The following ALAS1 variants were observed in gnomAD, a reference collection of about 807,000 sequenced individuals.
ALAS1 encodes the protein 5-aminolevulinate synthase, non-specific, mitochondrial.
ALAS1 carries 29 observed loss-of-function variants against 59.6 expected under a neutral mutation model. The ratio of observed to expected loss-of-function variants is 0.49; its 90% confidence interval spans 0.36 to 0.66. The LOEUF (loss-of-function observed/expected upper bound fraction) is 0.66. ALAS1 is among the 30% of genes least tolerant of loss of function. ALAS1 has a pLI of 0.00. For synonymous variants in ALAS1, 299 were observed against 296.6 expected, an observed-to-expected ratio of 1.01 and a Z score of -0.08; for missense variants, 690 against 807.5, an observed-to-expected ratio of 0.85 and a Z score of 1.76.
intron 9 of ALAS1, 80 bp from the exon 10 acceptor site, chr3:52,211,203 G>T (rs1477618961): frequency 6.6e-7 from 1 of 1,514,386 alleles, no homozygotes; most frequent in Non-Finnish European, 9.0e-7. Flanking sequence ...TCAGTGCTTT[G>T]AGGCTCCACA....
chr3:52,199,182 A>C (rs1345474816), intron 2 of ALAS1, 28 bp from the exon 3 acceptor site: 1 of 1,607,336 alleles, frequency 6.2e-7, no homozygotes, highest in East Asian at 2.2e-5. Flanking sequence ...CCTGATTATT[A>C]ACAACTGTTG....
intron 3 of ALAS1, 63 bp downstream of exon 3, chr3:52,199,503 C>A: frequency 6.8e-7 from 1 of 1,478,978 alleles, no homozygotes; most frequent in Admixed American, 1.8e-5. Flanking sequence ...AGACTAGAAG[C>A]AGTCCCCACA....
intron 11 of ALAS1, 147 bp from the exon 12 acceptor site, chr3:52,213,873 A>G (rs960720233): frequency 7.2e-6 from 5 of 690,684 alleles, no homozygotes; most frequent in Admixed American, 2.9e-5. Flanking sequence ...TTATCCGTCT[A>G]TTGGTGGACA....
rs1699243729 is a variant in ALAS1 at position 52,203,999 on chromosome 3, T to C, written c.564T>C (p.Asp188=). 3.1e-6 allele frequency: 5 copies of C among 1,605,122 alleles called. No individual in the cohort carries two copies. The South Asian group carries it at 5.6e-5, about 18-fold the overall frequency. ...AAAGAGTGTCTCATCTTCTTCAAGA[T>C]AACTTGCCAAAATGTAAGTCTCATT... ...RPERVSHLLQ[D]NLPKSVSTFQ... Residue 188 remains aspartate (D), a synonymous_variant, in exon 5 of 12, where the codon GAT becomes GAC. Transcript: ENST00000484952.
rs750118705 is a variant in ALAS1, at chr3:52,204,031, T to C, written c.577+19T>C. 3.0e-5 allele frequency: 47 copies of C among 1,588,006 alleles called. No homozygotes were observed. Among genetic ancestry groups the C allele is most frequent in the Non-Finnish European group, 3.9e-5 (46 of 1,166,712 alleles). Reference sequence around the variant, plus strand: ...CCAAAATGTAAGTCTCATTGTTATTTGCCTGATGTAGAAAAGAATTTATAA... The same window carrying C: ...CCAAAATGTAAGTCTCATTGTTATTCGCCTGATGTAGAAAAGAATTTATAA... On this transcript the variant is annotated intron_variant, in intron 5 of 11. Coordinates refer to ENST00000484952, the MANE Select transcript of ALAS1 (RefSeq NM_000688.6).
At chr3:52,205,600 A>T (rs1180878361) in intron 6 of ALAS1, among the ~76,000 whole-genome samples, 1 of 152,162 alleles carries the variant, frequency 6.6e-6, no homozygotes, top group East Asian at 1.9e-4. Flanking sequence ...GCACTTACTG[A>T]CTGTTAAATG....
rs555556588 is a variant in ALAS1, at chr3:52,212,431, G to A, written c.1762+11G>A. On this transcript the variant is annotated intron_variant, in intron 11 of 11. Coordinates refer to ENST00000484952, the MANE Select transcript of ALAS1 (RefSeq NM_000688.6). ...TGAACTACTTCCTTGGTGAGTACCT[G>A]GGGAGCTGCTGGTGCCTCACTGAGG... 6.2e-7 allele frequency: 1 copy of A among 1,613,702 alleles called. No homozygotes were observed. The highest frequency in any genetic ancestry group is 1.3e-5 in the African/African-American group (1 of 75,016).
chr3:52,211,199 C>A, intron 9 of ALAS1, 84 bp from the exon 10 acceptor site: 1 of 1,496,540 alleles, frequency 6.7e-7, no homozygotes, highest in Non-Finnish European at 9.1e-7. Flanking sequence ...AAAGTCAGTG[C>A]TTTGAGGCTC....
At chr3:52,208,674 T>C (rs1027768200) in intron 9 of ALAS1, among the ~76,000 whole-genome samples, 1 of 152,236 alleles carries the variant, frequency 6.6e-6, no homozygotes, top group African/African-American at 2.4e-5. Context: ...CATCCTGGTT[T>C]TCCTCTGCTC....
chr3:52,207,148 C>T (rs11716756), intron 8 of ALAS1, among the ~76,000 whole-genome samples: 15,490 of 152,030 alleles, frequency 0.1, 944 homozygotes, highest in Middle Eastern at 0.14. Context: ...GGACTACAGG[C>T]GCCTGCCACC....
At chr3:52,205,030 C>G in intron 6 of ALAS1, 115 bp downstream of exon 6, 1 of 842,454 alleles carries the variant, frequency 1.2e-6, no homozygotes, top group Non-Finnish European at 1.9e-6. Context: ...TGTGCCATAG[C>G]AAAATACTAT....
intron 8 of ALAS1, 23 bp from the exon 9 acceptor site, chr3:52,208,060 A>C: frequency 7.3e-6 from 11 of 1,513,642 alleles, no homozygotes; most frequent in Non-Finnish European, 8.8e-6. Flanking sequence ...AGCTCTTCAG[A>C]GCAGTCTCTG....
intron 9 of ALAS1, among the ~76,000 whole-genome samples, chr3:52,209,546 T>C (rs1169119695): frequency 6.6e-6 from 1 of 152,200 alleles, no homozygotes; most frequent in Non-Finnish European, 1.5e-5. Context: ...TGATGTGGGC[T>C]CTTTGAAGGT....
In ALAS1 at chr3:52,198,174, C is replaced by T. The variant is rs967679038; in HGVS notation, c.-291C>T. 5.0e-6 allele frequency: 2 copies of T among 398,614 alleles called. No homozygotes were observed. The highest frequency in any genetic ancestry group is 3.6e-5 in the East Asian group (1 of 28,070). 24.7% of individuals were successfully genotyped at this position (398,614 alleles called of 1,614,324 possible). A position where few individuals can be genotyped will look rare whatever the true frequency, so the allele number is the denominator to read the frequency against. On this transcript the variant is annotated 5_prime_UTR_variant, in exon 1 of 12. Coordinates refer to ENST00000484952, the MANE Select transcript of ALAS1 (RefSeq NM_000688.6). Reference sequence around the variant, plus strand: ...ATCGCGGCCTGAGGCTGCTCCCGGACAAGGGCAACGAGCGTTTCGTTTGGA... The same window carrying T: ...ATCGCGGCCTGAGGCTGCTCCCGGATAAGGGCAACGAGCGTTTCGTTTGGA...
chr3:52,200,766 G>C (rs927191470), intron 3 of ALAS1, among the ~76,000 whole-genome samples: 2 of 152,198 alleles, frequency 1.3e-5, no homozygotes, highest in African/African-American at 4.8e-5. Flanking sequence ...AATTTAGTTT[G>C]CTCTGCTTCT....
chr3:52,208,337 C>A, intron 9 of ALAS1, 90 bp downstream of exon 9: 2 of 1,413,884 alleles, frequency 1.4e-6, no homozygotes, highest in South Asian at 1.3e-5. Context: ...GGTGAGGAGA[C>A]AGCCTGACAG....
chr3:52,199,570 G>A (rs1215082300), intron 3 of ALAS1, 130 bp downstream of exon 3: 1 of 844,878 alleles, frequency 1.2e-6, no homozygotes, highest in South Asian at 1.8e-5. Context: ...GCTGGGCTCT[G>A]AGCACAGATT....
chr3:52,212,280 C>T lies in ALAS1; in HGVS notation c.1622C>T (p.Thr541Ile), dbSNP rs775368873. 6.2e-7 allele frequency: 1 copy of T among 1,613,826 alleles called. No individual in the cohort carries two copies. Among genetic ancestry groups the T allele is most frequent in the African/African-American group, 1.3e-5 (1 of 74,918 alleles). ...PVRVADAAKN[T>I]EVCDELMSRH... Reference sequence around the variant, plus strand: ...TAGGTTGCAGATGCTGCTAAAAACACAGAAGTCTGTGATGAACTAATGAGC... The same window carrying T: ...TAGGTTGCAGATGCTGCTAAAAACATAGAAGTCTGTGATGAACTAATGAGC... The change falls in exon 11 of 12, where the codon ACA becomes ATA. Residue 541 changes from threonine (T) to isoleucine (I), a missense_variant. Thr to Ile is a moderately conservative substitution (Grantham distance 89). Transcript: ENST00000484952.
intron 6 of ALAS1, among the ~76,000 whole-genome samples, chr3:52,205,176 C>T (rs1292196461): frequency 6.6e-6 from 1 of 152,240 alleles, no homozygotes; most frequent in African/African-American, 2.4e-5. Context: ...CTTTCTATCA[C>T]TCTGCAAGTG....
Sources: allele counts gnomAD v4.1 joint callset (sites outside exome capture counted in the v4.1 genomes callset), GRCh38; gene constraint gnomAD v4.1.1; transcripts MANE v1.5; gene names NCBI Gene and HGNC (gene_info 2026-07-23, HGNC 2026-07-21).